Variants in CCDC57 observed in about 807,000 individuals in gnomAD.
CCDC57 encodes the protein coiled-coil domain-containing protein 57.
A neutral mutation model predicts 118.9 loss-of-function variants in CCDC57; 118 were observed. The ratio of observed to expected loss-of-function variants is 0.99; its 90% confidence interval spans 0.86 to 1.16. The LOEUF is 1.16. CCDC57 is among the 50% of genes most tolerant of loss of function. CCDC57 has a pLI of 0.00. For synonymous variants in CCDC57, 527 were observed against 532.9 expected (o/e 0.99, Z 0.15); for missense variants, 1,300 against 1,320.7 (o/e 0.98, Z 0.24).
In CCDC57 at chr17:82,172,136, C is replaced by T. The variant is rs2044825257; in HGVS notation, c.1730-283G>A. On this transcript the variant is annotated intron_variant, in intron 12 of 19. Transcript: ENST00000665763. This position sits in a 1 kb window ranked among gnomAD's most constrained non-coding sequence, Gnocchi z 5.2. ...TGATCAGGAGCAAATGCTCCACCTGCCGCCAGCCCACGTGCCTCTGTGCAG... is the reference window on the plus strand; with the variant it reads ...TGATCAGGAGCAAATGCTCCACCTGTCGCCAGCCCACGTGCCTCTGTGCAG... 6.6e-6 allele frequency among the ~76,000 whole-genome samples: 1 copy of T among 152,258 alleles called. No individual in the cohort carries two copies. Among genetic ancestry groups the T allele is most frequent in the African/African-American group, 2.4e-5 (1 of 41,472 alleles).
chr17:82,119,391 A>T (rs567157874), intron 19 of CCDC57, among the ~76,000 whole-genome samples: 2 of 151,688 alleles, frequency 1.3e-5, no homozygotes, highest in Non-Finnish European at 2.9e-5. Context: ...CTGTACGTGG[A>T]GCAGACAGGA....
At chr17:82,138,163 TTTTG>T (rs2039495565) in intron 16 of CCDC57, among the ~76,000 whole-genome samples, 1 of 148,904 alleles carries the variant, frequency 6.7e-6, no homozygotes, top group African/African-American at 2.5e-5. Flanking sequence ...TTTTTTTTTT[TTTTG>T]AGACGGAGTC....
intron 19 of CCDC57, among the ~76,000 whole-genome samples, chr17:82,125,056 C>T (rs191983723): frequency 9.1e-4 from 139 of 152,250 alleles, no homozygotes; most frequent in African/African-American, 3.0e-3. Context: ...GACGCGGCTG[C>T]GTGGAAGACA....
At chr17:82,134,864 C>T (rs1044721803) in intron 16 of CCDC57, among the ~76,000 whole-genome samples, 1 of 152,126 alleles carries the variant, frequency 6.6e-6, no homozygotes, top group Non-Finnish European at 1.5e-5. Flanking sequence ...CTCAAAGCTT[C>T]GGCATGCTAG....
exon 20 of CCDC57, chr17:82,101,841 G>A: frequency 1.3e-6 from 2 of 1,580,348 alleles, no homozygotes; most frequent in Non-Finnish European, 1.7e-6. Context: ...CGGGCCTCCT[G>A]TCGGCTGCTG....
chr17:82,150,119 G>GCACACCCAGAACCTGACC (rs2041704959), intron 16 of CCDC57, among the ~76,000 whole-genome samples: 3 of 111,938 alleles, frequency 2.7e-5, no homozygotes, highest in East Asian at 2.7e-4. Flanking sequence ...AGAACCAGGC[G>GCACACCCAGAACCTGACC]CACACCCAGA....
intron 14 of CCDC57, chr17:82,160,480 A>C (rs2043182265): frequency 6.7e-6 from 1 of 150,016 alleles, no homozygotes; most frequent in African/African-American, 2.5e-5. Context: ...GCACTTTGGG[A>C]GGCACACAGG....
rs186483205 is a variant in CCDC57 at position 82,187,140 on chromosome 17, G to A, written c.1052+1079C>T. Among the ~76,000 whole-genome samples the A allele has an allele frequency of 2.0e-5, 3 of 150,724 alleles. No individual in the cohort carries two copies. In the East Asian group the frequency reaches 6.0e-4, roughly 30 times the overall value. ...TAATGCCAGCTACTTGGGAGGCTGA[G>A]GCAGGAGAATCGCTTGAACCCGGGA... On this transcript the variant is annotated intron_variant, in intron 8 of 19. Transcript: ENST00000665763.
intron 16 of CCDC57, among the ~76,000 whole-genome samples, chr17:82,138,674 C>CGCGTGGCCTGCCCCGGGTCGGAAGAGAT (rs2039607590): frequency 6.6e-6 from 1 of 151,160 alleles, no homozygotes; most frequent in Non-Finnish European, 1.5e-5. Flanking sequence ...TCGGAAGAGA[C>CGCGTGGCCTGCCCCGGGTCGGAAGAGAT]GCGTGGCCTG....
intron 9 of CCDC57, among the ~76,000 whole-genome samples, chr17:82,181,285 T>C (rs747471898): frequency 3.2e-4 from 48 of 152,212 alleles, no homozygotes; most frequent in Non-Finnish European, 4.7e-4. Flanking sequence ...GTGCGCTGAT[T>C]CCCAGAGCTC....
chr17:82,179,623 CG>C (rs2045951949), intron 9 of CCDC57, among the ~76,000 whole-genome samples: 1 of 146,964 alleles, frequency 6.8e-6, no homozygotes, highest in African/African-American at 2.5e-5. Flanking sequence ...GACCCAGCCA[CG>C]GGGCGGGCGG....
exon 14 of CCDC57, chr17:82,163,235 G>C (rs755116026): frequency 1.2e-6 from 2 of 1,613,914 alleles, no homozygotes; most frequent in Non-Finnish European, 1.7e-6. Flanking sequence ...AGGTTTAGGA[G>C]CTGCACTCTG....
chr17:82,101,913 G>T, intron 19 of CCDC57, 47 bp from the exon 19 acceptor site: 1 of 1,497,366 alleles, frequency 6.7e-7, no homozygotes, highest in Non-Finnish European at 8.9e-7. Context: ...ATGGCAGGGG[G>T]AGCAGGAGGC....
intron 13 of CCDC57, among the ~76,000 whole-genome samples, chr17:82,166,856 C>A (rs2044049795): frequency 6.6e-6 from 1 of 152,018 alleles, no homozygotes; most frequent in East Asian, 1.9e-4. Flanking sequence ...GTCAAGGCTG[C>A]AGTGAGCTAT....
chr17:82,134,177 C>T lies in CCDC57; in HGVS notation c.2473G>A (p.Ala825Thr), dbSNP rs996201003. Residue 825 changes from alanine (A) to threonine (T), a missense_variant, in exon 17 of 20, where the codon GCC (alanine) becomes ACC (threonine). Physicochemically the swap from Ala to Thr is moderately conservative, Grantham distance 58. Coordinates refer to ENST00000665763, the Ensembl canonical transcript of CCDC57. ...CGGGCCTCAGGGGCAGGAGGGAGGG[C>T]GTGGTGCAACAGCCACCCTGGGAAT... 8 of 1,331,302 alleles carry T rather than the reference C, an allele frequency of 6.0e-6. No individual in the cohort carries two copies. The South Asian group carries it at 1.1e-4, about 18-fold the overall frequency. The allele number at this position is 1,331,302 out of a possible 1,614,324, so 82.5% of individuals were successfully genotyped here.
At chr17:82,151,680 T>A in exon 16 of CCDC57, 1 of 1,550,370 alleles carries the variant, frequency 6.5e-7, no homozygotes, top group South Asian at 1.2e-5. Flanking sequence ...AGTCGGTGCA[T>A]AGATAAGGTC....
chr17:82,189,166 G>A (rs565712349), intron 7 of CCDC57, among the ~76,000 whole-genome samples: 1 of 152,190 alleles, frequency 6.6e-6, no homozygotes, highest in South Asian at 2.1e-4. Context: ...TACTCGGGAG[G>A]CTGAGGTGGG....
intron 11 of CCDC57, among the ~76,000 whole-genome samples, chr17:82,173,211 T>G (rs956070753): frequency 3.9e-5 from 6 of 152,112 alleles, no homozygotes; most frequent in Admixed American, 1.3e-4. Flanking sequence ...GAGAGGGTGG[T>G]GTGATGGCTG....
At chr17:82,163,716 A>G (rs936008003) in intron 13 of CCDC57, among the ~76,000 whole-genome samples, 2 of 151,708 alleles carry the variant, frequency 1.3e-5, no homozygotes, top group Non-Finnish European at 2.9e-5. Context: ...GAAAAAAATC[A>G]CAATGGACAT....
Sources: gnomAD v4.1 joint callset for allele counts (sites outside exome capture counted in the v4.1 genomes callset) on GRCh38, gnomAD v4.1.1 for gene constraint, Gnocchi (gnomAD v3.1) non-coding constraint, MANE v1.5 for transcripts, NCBI Gene and HGNC (gene_info 2026-07-23, HGNC 2026-07-21) for gene names.